Variants in PIK3CB observed in about 807,000 individuals in gnomAD.
PIK3CB encodes the protein phosphatidylinositol 4,5-bisphosphate 3-kinase catalytic subunit beta isoform.
In PIK3CB, 39 loss-of-function variants were observed where a neutral mutation model predicts 136.8. The ratio of observed to expected loss-of-function variants is 0.29; its 90% CI spans 0.22 to 0.37. PIK3CB has a LOEUF of 0.37. Among genes scored for constraint, PIK3CB ranks in the 10% least tolerant of loss-of-function variants. The pLI is 1.00. For synonymous variants in PIK3CB, 428 were observed against 436.6 expected, an observed-to-expected ratio of 0.98 and a Z score of 0.25; for missense variants, 868 against 1,275.4, an observed-to-expected ratio of 0.68 and a Z score of 4.87.
rs1454862635 is a variant in PIK3CB, at chr3:138,788,979, A to C, written c.-17+7484T>G. On this transcript the variant is annotated intron_variant, in intron 2 of 23. Transcript: ENST00000674063. Reference sequence around the variant, plus strand: ...GACTTCGTCTCAAAAAAAAAAAAAAAAAAAAAAAAAAAACAAAAAACAACA... The same window carrying C: ...GACTTCGTCTCAAAAAAAAAAAAAACAAAAAAAAAAAAACAAAAAACAACA... 6.9e-4 allele frequency among the ~76,000 whole-genome samples: 102 copies of C among 148,514 alleles called. 2 individuals carry two copies. Among genetic ancestry groups the C allele is most frequent in the Middle Eastern group, 3.4e-3 (1 of 292 alleles).
intron 1 of PIK3CB, among the ~76,000 whole-genome samples, chr3:138,826,795 G>T (rs564484484): frequency 2.6e-5 from 4 of 152,128 alleles, no homozygotes; most frequent in Admixed American, 1.3e-4. Context: ...CTGGCCAGGC[G>T]CAGTGGCTTA....
chr3:138,766,799 T>A (rs1204639618), intron 2 of PIK3CB, among the ~76,000 whole-genome samples: 2 of 152,190 alleles, frequency 1.3e-5, no homozygotes, highest in Admixed American at 1.3e-4. Context: ...GACCTAGAAA[T>A]GTTTTTCCCA....
At chr3:138,711,638 G>A (rs1191641150) in intron 10 of PIK3CB, among the ~76,000 whole-genome samples, 2 of 150,428 alleles carry the variant, frequency 1.3e-5, no homozygotes, top group Non-Finnish European at 3.0e-5. Context: ...ATATGGTATG[G>A]AGATGCATAA....
At chr3:138,680,219 G>A (rs997147761) in intron 19 of PIK3CB, among the ~76,000 whole-genome samples, 7 of 151,836 alleles carry the variant, frequency 4.6e-5, no homozygotes, top group South Asian at 2.1e-4. Context: ...TTAGCCGGGC[G>A]TGGTGGTGGG....
At chr3:138,717,858 C>T (rs1559838190) in intron 8 of PIK3CB, among the ~76,000 whole-genome samples, 1 of 152,206 alleles carries the variant, frequency 6.6e-6, no homozygotes, top group Non-Finnish European at 1.5e-5. Flanking sequence ...TCCCTAAAGA[C>T]ATGATCTCAT....
intron 1 of PIK3CB, among the ~76,000 whole-genome samples, chr3:138,814,207 G>A (rs1933198128): frequency 6.6e-6 from 1 of 152,208 alleles, no homozygotes; most frequent in Non-Finnish European, 1.5e-5. Flanking sequence ...GGTGGGTGCA[G>A]TGGCTCATGT....
intron 10 of PIK3CB, among the ~76,000 whole-genome samples, chr3:138,710,823 G>A (rs758737503): frequency 1.3e-5 from 2 of 152,158 alleles, no homozygotes; most frequent in Non-Finnish European, 2.9e-5. Context: ...GGTGGCTCAC[G>A]CCTGTAATCC....
chr3:138,694,536 T>C (rs1459240332), intron 14 of PIK3CB, among the ~76,000 whole-genome samples: 4 of 152,156 alleles, frequency 2.6e-5, no homozygotes, highest in African/African-American at 4.8e-5. Context: ...ATGTGCTGAG[T>C]TCTGAGTCCT....
chr3:138,693,993 T>TAG (rs1559819951), intron 14 of PIK3CB, among the ~76,000 whole-genome samples: 1 of 120,142 alleles, frequency 8.3e-6, no homozygotes, highest in African/African-American at 3.2e-5. Context: ...TATATATATA[T>TAG]TTTAAACCCA....
intron 1 of PIK3CB, among the ~76,000 whole-genome samples, chr3:138,810,812 C>A (rs930507878): frequency 1.3e-5 from 2 of 151,954 alleles, no homozygotes; most frequent in Non-Finnish European, 2.9e-5. Flanking sequence ...CCCAGCTACT[C>A]GGGAGGCTGA....
intron 2 of PIK3CB, chr3:138,778,240 T>TA (rs1393843234): frequency 2.3e-5 from 10 of 439,622 alleles, no homozygotes; most frequent in South Asian, 3.2e-5. Context: ...CCATGAAAAG[T>TA]AAAAAAACAC....
Position 138,655,413 on chromosome 3 carries a change from T to G in PIK3CB, c.3189A>C (p.Thr1063=). 2 of 1,614,072 alleles carry G rather than the reference T, an allele frequency of 1.2e-6. No homozygotes were observed. The highest frequency in any genetic ancestry group is 2.2e-5 in the East Asian group (1 of 44,898). Residue 1063 remains threonine (T), a synonymous_variant, in exon 24 of 24, where the codon ACA becomes ACC. Coordinates refer to ENST00000674063, the MANE Select transcript of PIK3CB (RefSeq NM_006219.3). The part of the protein sequence containing the change: ...WTTKVNWMAH[T]VRKDYRS Reference sequence around the variant, plus strand: ...GTTAAGATCTGTAGTCTTTCCGAACTGTGTGGGCCATCCAGTTCACTTTAG... The same window carrying G: ...GTTAAGATCTGTAGTCTTTCCGAACGGTGTGGGCCATCCAGTTCACTTTAG...
intron 22 of PIK3CB, chr3:138,657,459 T>C (rs1577034828): frequency 2.3e-6 from 1 of 442,402 alleles, no homozygotes; most frequent in East Asian, 4.0e-5. Context: ...AGGTAGTATA[T>C]TATTGGAATA....
chr3:138,723,449 G>C (rs925006504), intron 8 of PIK3CB, among the ~76,000 whole-genome samples: 3 of 152,134 alleles, frequency 2.0e-5, no homozygotes, highest in Admixed American at 2.0e-4. Flanking sequence ...TACTCAGGAG[G>C]CTGAGGTGGA....
At chr3:138,672,589 C>G (rs1045706909) in intron 19 of PIK3CB, among the ~76,000 whole-genome samples, 1 of 151,862 alleles carries the variant, frequency 6.6e-6, no homozygotes, top group Non-Finnish European at 1.5e-5. Flanking sequence ...AGTAATATCC[C>G]AAGAACTAAA....
chr3:138,764,575 G>A (rs901064006), intron 2 of PIK3CB, among the ~76,000 whole-genome samples: 8 of 152,176 alleles, frequency 5.3e-5, no homozygotes, highest in Admixed American at 2.0e-4. Flanking sequence ...GACCAGCACA[G>A]GCAACAAAGC....
chr3:138,673,037 G>A (rs1476254969), intron 19 of PIK3CB, among the ~76,000 whole-genome samples: 1 of 151,764 alleles, frequency 6.6e-6, no homozygotes, highest in African/African-American at 2.4e-5. Context: ...AAAAGAATAG[G>A]AAATTACTAA....
At chr3:138,825,172 C>T (rs1178479121) in intron 1 of PIK3CB, 5 of 294,120 alleles carry the variant, frequency 1.7e-5, no homozygotes, top group East Asian at 7.4e-5. Flanking sequence ...ATTGGTATCT[C>T]CCTATGAAAA....
chr3:138,812,239 G>GTTT (rs35484938), intron 1 of PIK3CB, among the ~76,000 whole-genome samples: 1 of 148,322 alleles, frequency 6.7e-6, no homozygotes. Context: ...AGAATGAGAG[G>GTTT]TTTTTTTTTT....
Sources: allele counts gnomAD v4.1 joint callset (sites outside exome capture counted in the v4.1 genomes callset), GRCh38; gene constraint gnomAD v4.1.1; transcripts MANE v1.5; gene names NCBI Gene and HGNC (gene_info 2026-07-23, HGNC 2026-07-21).